The following PBX2 variants were observed in gnomAD, a reference collection of about 807,000 sequenced individuals.
PBX2 encodes PBX homeobox 2.
A neutral mutation model predicts 46.5 loss-of-function variants in PBX2; 10 were observed. The observed-to-expected ratio is 0.21, with a 90% CI of 0.13 to 0.36. The LOEUF is 0.36. Among genes scored for constraint, PBX2 ranks in the 10% least tolerant of loss-of-function variants. The probability of loss-of-function intolerance (pLI) is 1.00; values close to 1 mark genes in which losing one functional copy is unlikely to be tolerated. For synonymous variants in PBX2, 160 were observed against 222.5 expected (o/e 0.72, Z 2.50); for missense variants, 392 against 580.5 (o/e 0.68, Z 3.34).
rs2127447356 is a variant in PBX2, at chr6:32,186,996, C to T, written c.1025-95G>A. The stretch of plus-strand genomic sequence containing the variant: ...TCTTGTGGGGACATGCTACTATACT[C>T]CAATTATCCACAAAATAACATTCCA... On this transcript the variant is annotated intron_variant, in intron 6 of 8. Transcript: ENST00000375050. The surrounding 1 kb of genome is among the most constrained non-coding windows in gnomAD (Gnocchi z 4.2). 8.6e-7 allele frequency: 1 copy of T among 1,168,404 alleles called. No individual in the cohort carries two copies. Among genetic ancestry groups the T allele is most frequent in the Non-Finnish European group, 1.3e-6 (1 of 796,638 alleles). The allele number at this position is 1,168,404 out of a possible 1,614,324, so 72.4% of individuals were successfully genotyped here.
In PBX2 at chr6:32,187,549, C is replaced by T. The variant is rs1787199908; in HGVS notation, c.870+98G>A. ...TCCAATTCAAGTGATCCTCCCACTT[C>T]AGCCTCCCTAGTAGCTGGGATTACA... On this transcript the variant is annotated intron_variant, in intron 5 of 8. Coordinates refer to ENST00000375050, the MANE Select transcript of PBX2 (RefSeq NM_002586.5). The surrounding 1 kb of genome is among the most constrained non-coding windows in gnomAD (Gnocchi z 7.7). The T allele has an allele frequency of 1.3e-6, 2 of 1,519,710 alleles. No individual in the cohort carries two copies. The highest frequency in any genetic ancestry group is 2.3e-5 in the East Asian group (1 of 43,302). The allele number at this position is 1,519,710 out of a possible 1,614,324, so 94.1% of individuals were successfully genotyped here. A position where few individuals can be genotyped will look rare whatever the true frequency, so the allele number is the denominator to read the frequency against.
At position 32,189,784 on chromosome 6, in the gene PBX2, G is replaced by T. The variant is rs1400696350; in HGVS notation, c.132C>A (p.Val44=). ...TGTCTTGCTTCCCTCGGCCTCCCGG[G>T]ACCCCCCCGCTACCCCCACCGGGGT... ...GGDPGGGSGG[V]PGGRGKQDIG... The change falls in exon 1 of 9, where the codon GTC becomes GTA. Residue 44 remains valine (V), a synonymous_variant. Transcript: ENST00000375050. This position sits in a 1 kb window ranked among gnomAD's most constrained non-coding sequence, Gnocchi z 4.7. The T allele has an allele frequency of 1.2e-6, 2 of 1,603,034 alleles. No individual in the cohort carries two copies. The highest frequency in any genetic ancestry group is 1.7e-6 in the Non-Finnish European group (2 of 1,175,202).
chr6:32,189,122 A>C lies in PBX2; in HGVS notation c.222-326T>G. 2.2e-6 allele frequency: 1 copy of C among 460,958 alleles called. No individual in the cohort carries two copies. Among genetic ancestry groups the C allele is most frequent in the Non-Finnish European group, 3.9e-6 (1 of 253,318 alleles). 28.6% of individuals were successfully genotyped at this position (460,958 alleles called of 1,614,324 possible). A position where few individuals can be genotyped will look rare whatever the true frequency, so the allele number is the denominator to read the frequency against. On this transcript the variant is annotated intron_variant, in intron 1 of 8. Coordinates refer to ENST00000375050, the MANE Select transcript of PBX2 (RefSeq NM_002586.5). This position sits in a 1 kb window ranked among gnomAD's most constrained non-coding sequence, Gnocchi z 4.7. Reference sequence around the variant, plus strand: ...GTGACTTGGTAGGTTTCAGAGGGAGAGAGACAGAGGCTGGGGTTGAGAAGA... The same window carrying C: ...GTGACTTGGTAGGTTTCAGAGGGAGCGAGACAGAGGCTGGGGTTGAGAAGA...
rs769164458 is a variant in PBX2 at position 32,189,822 on chromosome 6, G to C, written c.94C>G (p.Pro32Ala). Reference protein sequence around the residue: ...SGEPGGPGEPPGGGDPGGGSG... With the variant: ...SGEPGGPGEPAGGGDPGGGSG... ...CCCCCACCGGGGTCTCCGCCACCGG[G>C]AGGCTCGCCAGGGCCCCCAGGCTCC... Residue 32 changes from proline to alanine, a missense_variant, in exon 1 of 9, where the codon CCC becomes GCC. Pro to Ala is a conservative substitution (Grantham distance 27, BLOSUM62 -1). This residue lies in a region of PBX2 where 196 missense variants were observed against 246.9 expected (regional missense o/e 0.79). Coordinates refer to ENST00000375050, the MANE Select transcript of PBX2 (RefSeq NM_002586.5). The surrounding 1 kb of genome is among the most constrained non-coding windows in gnomAD (Gnocchi z 4.7). 10 of 1,586,510 alleles carry C rather than the reference G, an allele frequency of 6.3e-6. No individual in the cohort carries two copies. Among genetic ancestry groups the C allele is most frequent in the Middle Eastern group, 1.9e-4 (1 of 5,310 alleles).
In PBX2 at chr6:32,188,158, T is replaced by G. The variant is rs766641126; in HGVS notation, c.544-2A>C. 1 of 1,596,870 alleles carries G rather than the reference T, an allele frequency of 6.3e-7. No individual in the cohort carries two copies. The highest frequency in any genetic ancestry group is 2.2e-5 in the East Asian group (1 of 44,630). On this transcript the variant is annotated splice_acceptor_variant, in intron 3 of 8. Transcript: ENST00000375050. LOFTEE classifies it high-confidence loss of function. This position sits in a 1 kb window ranked among gnomAD's most constrained non-coding sequence, Gnocchi z 6.5. The stretch of plus-strand genomic sequence containing the variant: ...ATGGGTCGTGAACTCATTACATGCC[T>G]GTAGTGGGGGCCAGTGGGCTGGTGA...
rs1051366195 is a variant in PBX2, at chr6:32,185,400, G to GC, written c.*981dup. On this transcript the variant is annotated 3_prime_UTR_variant, in exon 9 of 9. Coordinates refer to ENST00000375050, the MANE Select transcript of PBX2 (RefSeq NM_002586.5). ...GGGATTTTAGGGGGCAAAGCTTGGT[G>GC]CCCTGTAAAATTTACTTCCTGATGG... 1 of 152,024 alleles carries GC rather than the reference G, an allele frequency of 6.6e-6. No individual in the cohort carries two copies. The highest frequency in any genetic ancestry group is 2.4e-5 in the African/African-American group (1 of 41,380). The allele number at this position is 152,024 out of a possible 1,614,324, so 9.4% of individuals were successfully genotyped here.
chr6:32,187,305 C>T lies in PBX2; in HGVS notation c.961G>A (p.Ala321Thr), dbSNP rs183881283. 6.2e-7 allele frequency: 1 copy of T among 1,613,038 alleles called. No individual in the cohort carries two copies. The highest frequency in any genetic ancestry group is 8.5e-7 in the Non-Finnish European group (1 of 1,180,012). Residue 321 changes from alanine (A) to threonine (T), a missense_variant, in exon 6 of 9, where the codon GCC (alanine) becomes ACC (threonine). Around this residue, in one of 3 missense-constraint regions of PBX2, gnomAD observed 116 missense variants for 157.9 expected, o/e 0.73. Transcript: ENST00000375050. This position sits in a 1 kb window ranked among gnomAD's most constrained non-coding sequence, Gnocchi z 7.7. The stretch of plus-strand genomic sequence containing the variant: ...TGGCCCCCCTGGGTGACTGACACGG[C>T]GGTCTTGACAGCATAGATGTTTGCC... ...EEANIYAVKTAVSVTQGGHSR... is the reference protein window; with the variant it reads ...EEANIYAVKTTVSVTQGGHSR...
Position 32,190,018 on chromosome 6 carries a change from C to T in PBX2, c.-103G>A, listed in dbSNP as rs1016824146. 13 of 538,464 alleles carry T rather than the reference C, an allele frequency of 2.4e-5. No homozygotes were observed. In the Admixed American group the frequency reaches 3.3e-4, roughly 14 times the overall value. 33.4% of individuals were successfully genotyped at this position (538,464 alleles called of 1,614,324 possible). On this transcript the variant is annotated 5_prime_UTR_variant, in exon 1 of 9. Coordinates refer to ENST00000375050, the MANE Select transcript of PBX2 (RefSeq NM_002586.5). Reference sequence around the variant, plus strand: ...GGGGCCGCTGCTCCCTCCGCCCCAACCCCCGCCCGTCTGCCCCCGGCTCCC... The same window carrying T: ...GGGGCCGCTGCTCCCTCCGCCCCAATCCCCGCCCGTCTGCCCCCGGCTCCC...
chr6:32,188,185 G>C lies in PBX2; in HGVS notation c.544-29C>G. ...TAGTGGGGGCCAGTGGGCTGGTGAGGAGGAGCCCTTTGACCATGGGATTCC... is the reference window on the plus strand; with the variant it reads ...TAGTGGGGGCCAGTGGGCTGGTGAGCAGGAGCCCTTTGACCATGGGATTCC... On this transcript the variant is annotated intron_variant, in intron 3 of 8. Transcript: ENST00000375050. This position sits in a 1 kb window ranked among gnomAD's most constrained non-coding sequence, Gnocchi z 6.5. 2 of 1,599,464 alleles carry C rather than the reference G, an allele frequency of 1.3e-6. No individual in the cohort carries two copies. The highest frequency in any genetic ancestry group is 1.7e-6 in the Non-Finnish European group (2 of 1,170,946).
At position 32,186,864 on chromosome 6, in the gene PBX2, G is replaced by C. The variant is rs778641562; in HGVS notation, c.1062C>G (p.Asp354Glu). 3.1e-6 allele frequency: 5 copies of C among 1,614,108 alleles called. No individual in the cohort carries two copies. In the East Asian group the frequency reaches 1.1e-4, roughly 36 times the overall value. The change falls in exon 7 of 9, where the codon GAC becomes GAG. Residue 354 changes from aspartate (D) to glutamate (E), a missense_variant. Physicochemically the swap from Asp to Glu is conservative, Grantham distance 45 (BLOSUM62 2). This residue lies in a region of PBX2 where 116 missense variants were observed against 157.9 expected (regional missense o/e 0.73). Coordinates refer to ENST00000375050, the MANE Select transcript of PBX2 (RefSeq NM_002586.5). The surrounding 1 kb of genome is among the most constrained non-coding windows in gnomAD (Gnocchi z 4.2). Reference protein sequence around the residue: ...GGSFNLSGSGDMFLGMPGLNG... With the variant: ...GGSFNLSGSGEMFLGMPGLNG... ...TGAGCCCAGGCATCCCCAGAAACAT[G>C]TCTCCAGATCCTGAGAGATTGAAAG...
rs758689529 is a variant in PBX2 at position 32,189,788 on chromosome 6, C to G, written c.128G>C (p.Gly43Ala). 1 of 1,601,292 alleles carries G rather than the reference C, an allele frequency of 6.2e-7. No homozygotes were observed. Residue 43 changes from glycine (G) to alanine (A), a missense_variant, in exon 1 of 9, where the codon GGG becomes GCG. Coordinates refer to ENST00000375050, the MANE Select transcript of PBX2 (RefSeq NM_002586.5). The surrounding 1 kb of genome is among the most constrained non-coding windows in gnomAD (Gnocchi z 4.7). ...TTGCTTCCCTCGGCCTCCCGGGACC[C>G]CCCCGCTACCCCCACCGGGGTCTCC... ...GGGDPGGGSG[G>A]VPGGRGKQDI...
chr6:32,189,182 T>G lies in PBX2; in HGVS notation c.222-386A>C. On this transcript the variant is annotated intron_variant, in intron 1 of 8. Coordinates refer to ENST00000375050, the MANE Select transcript of PBX2 (RefSeq NM_002586.5). The surrounding 1 kb of genome is among the most constrained non-coding windows in gnomAD (Gnocchi z 4.7). ...TGAGGTGGCAGAGTGGGGCTGGGGG[T>G]GCCGAGCTAACTGGGGAGATCAGTG... is the stretch of plus-strand genomic sequence containing the variant. The G allele has an allele frequency of 2.8e-6, 1 of 351,336 alleles. No homozygotes were observed. Among genetic ancestry groups the G allele is most frequent in the South Asian group, 3.5e-5 (1 of 28,210 alleles). 21.8% of individuals were successfully genotyped at this position (351,336 alleles called of 1,614,324 possible).
rs1787365709 is a variant in PBX2 at position 32,190,019 on chromosome 6, C to G, written c.-104G>C. On this transcript the variant is annotated 5_prime_UTR_variant, in exon 1 of 9. Coordinates refer to ENST00000375050, the MANE Select transcript of PBX2 (RefSeq NM_002586.5). ...GGGCCGCTGCTCCCTCCGCCCCAAC[C>G]CCCGCCCGTCTGCCCCCGGCTCCCG... 1 of 534,276 alleles carries G rather than the reference C, an allele frequency of 1.9e-6. No homozygotes were observed. The highest frequency in any genetic ancestry group is 3.2e-6 in the Non-Finnish European group (1 of 316,488). The allele number at this position is 534,276 out of a possible 1,614,324, so 33.1% of individuals were successfully genotyped here.
chr6:32,187,226 T>A lies in PBX2; in HGVS notation c.1024+16A>T. 1 of 1,612,198 alleles carries A rather than the reference T, an allele frequency of 6.2e-7. No individual in the cohort carries two copies. The highest frequency in any genetic ancestry group is 2.2e-5 in the East Asian group (1 of 44,884). ...AAGTGTGCAAAACAGTCAGCCGGGG[T>A]GACAGTGGGATCCACCTGCAGAGGA... On this transcript the variant is annotated intron_variant, in intron 6 of 8. Transcript: ENST00000375050. This position sits in a 1 kb window ranked among gnomAD's most constrained non-coding sequence, Gnocchi z 7.7.
At position 32,186,524 on chromosome 6, in the gene PBX2, G is replaced by A; in HGVS notation, c.1201-50C>T. The A allele has an allele frequency of 1.3e-6, 2 of 1,582,468 alleles. No individual in the cohort carries two copies. The highest frequency in any genetic ancestry group is 8.7e-7 in the Non-Finnish European group (1 of 1,151,224). ...AAACAGAGAAAGCCCTGGGAACCCT[G>A]TGTGGGCACAACATTACTAGGGAAA... is the stretch of plus-strand genomic sequence containing the variant. On this transcript the variant is annotated intron_variant, in intron 8 of 8. Transcript: ENST00000375050. This position sits in a 1 kb window ranked among gnomAD's most constrained non-coding sequence, Gnocchi z 4.2.
rs768028407 is a variant in PBX2, at chr6:32,188,525, C to G, written c.296-21G>C. 1 of 1,610,500 alleles carries G rather than the reference C, an allele frequency of 6.2e-7. No individual in the cohort carries two copies. The highest frequency in any genetic ancestry group is 1.1e-5 in the South Asian group (1 of 90,926). On this transcript the variant is annotated intron_variant, in intron 2 of 8. Coordinates refer to ENST00000375050, the MANE Select transcript of PBX2 (RefSeq NM_002586.5). The surrounding 1 kb of genome is among the most constrained non-coding windows in gnomAD (Gnocchi z 6.5). ...GAGGCCTAGCATGCAGGCGAGTGGA[C>G]TTAGGGACCCAGAGACCCCAATACC...
chr6:32,188,246 C>T lies in PBX2; in HGVS notation c.543+11G>A. On this transcript the variant is annotated intron_variant, in intron 3 of 8. Coordinates refer to ENST00000375050, the MANE Select transcript of PBX2 (RefSeq NM_002586.5). This position sits in a 1 kb window ranked among gnomAD's most constrained non-coding sequence, Gnocchi z 6.5. ...CCCTTCCCTCCACCCACCCAAGCCT[C>T]CTCTCCTTACCTGCTCATACTTCTC... 6.2e-7 allele frequency: 1 copy of T among 1,611,922 alleles called. No homozygotes were observed. The highest frequency in any genetic ancestry group is 8.5e-7 in the Non-Finnish European group (1 of 1,178,380).
chr6:32,186,889 G>C lies in PBX2; in HGVS notation c.1037C>G (p.Ser346Cys). 1 of 1,613,694 alleles carries C rather than the reference G, an allele frequency of 6.2e-7. No homozygotes were observed. Among genetic ancestry groups the C allele is most frequent in the South Asian group, 1.1e-5 (1 of 91,060 alleles). ...GTCTCCAGATCCTGAGAGATTGAAA[G>C]AGCCGCCAGAGCCTTGTGGGGGCAG... ...TPPSSAGSGG[S>C]FNLSGSGDMF... Residue 346 changes from serine (S) to cysteine (C), a missense_variant, in exon 7 of 9, where the codon TCT becomes TGT. Around this residue, in one of 3 missense-constraint regions of PBX2, gnomAD observed 116 missense variants for 157.9 expected, o/e 0.73. Coordinates refer to ENST00000375050, the MANE Select transcript of PBX2 (RefSeq NM_002586.5). The surrounding 1 kb of genome is among the most constrained non-coding windows in gnomAD (Gnocchi z 4.2).
Position 32,188,091 on chromosome 6 carries a change from C to T in PBX2, c.609G>A (p.Val203=). The T allele has an allele frequency of 6.3e-7, 1 of 1,595,812 alleles. No individual in the cohort carries two copies. Residue 203 remains valine (V), a synonymous_variant, in exon 4 of 9, where the codon GTG becomes GTA. Transcript: ENST00000375050. This position sits in a 1 kb window ranked among gnomAD's most constrained non-coding sequence, Gnocchi z 6.5. ...LLREQSRTRP[V]APKEMERMVS... is the part of the protein sequence containing the mutation. ...CCATGCGTTCCATCTCTTTGGGGGC[C>T]ACGGGCCTGGTGCGGCTCTGCTCCC...
Sources: gnomAD v4.1 joint callset for allele counts on GRCh38, gnomAD v4.1.1 for gene constraint, gnomAD v4.1.1 regional missense constraint, Gnocchi (gnomAD v3.1) non-coding constraint, MANE v1.5 for transcripts, NCBI Gene and HGNC (gene_info 2026-07-23, HGNC 2026-07-21) for gene names.